The following STX18 variants were observed in gnomAD, a reference collection of about 807,000 sequenced individuals.
STX18 encodes syntaxin 18.
STX18 carries 40 observed loss-of-function variants against 50.1 expected under a neutral mutation model. That is an observed-to-expected ratio of 0.80 (90% CI 0.62 to 1.04). STX18 has a LOEUF of 1.04. STX18 is among the 50% of genes least tolerant of loss of function. STX18 has a pLI of 0.00. For missense variants in STX18, 410 were observed against 415.8 expected (o/e 0.99, Z 0.12); for synonymous variants, 158 against 151.8 (o/e 1.04, Z -0.30).
chr4:4,489,384 C>T (rs1577368819), intron 1 of STX18, among the ~76,000 whole-genome samples: 1 of 116,594 alleles, frequency 8.6e-6, no homozygotes, highest in African/African-American at 3.0e-5. Flanking sequence ...AATACACATG[C>T]AAAATAATTT....
At chr4:4,432,372 A>G (rs1198876764) in intron 7 of STX18, among the ~76,000 whole-genome samples, 4 of 152,246 alleles carry the variant, frequency 2.6e-5, no homozygotes, top group African/African-American at 9.6e-5. Flanking sequence ...CCATGATGGC[A>G]TGCATGCCAC....
At chr4:4,529,481 C>G (rs1026059694) in intron 1 of STX18, among the ~76,000 whole-genome samples, 1 of 144,108 alleles carries the variant, frequency 6.9e-6, no homozygotes, top group African/African-American at 3.0e-5. Flanking sequence ...ATGTATGCAC[C>G]AAAATATGCT....
At chr4:4,496,678 A>C (rs958420089) in intron 1 of STX18, among the ~76,000 whole-genome samples, 4 of 152,168 alleles carry the variant, frequency 2.6e-5, no homozygotes, top group Non-Finnish European at 5.9e-5. Flanking sequence ...GGTGCTGCCC[A>C]ATCCAACTGT....
intron 1 of STX18, 152 bp downstream of exon 1, chr4:4,541,645 A>ATTTT (rs1731601853): frequency 1.4e-6 from 1 of 701,734 alleles, no homozygotes; most frequent in Non-Finnish European, 2.1e-6. Flanking sequence ...TCCCCCAAAA[A>ATTTT]GCTGTAGGGT....
At chr4:4,472,908 G>A (rs1265449116) in intron 1 of STX18, among the ~76,000 whole-genome samples, 1 of 152,224 alleles carries the variant, frequency 6.6e-6, no homozygotes, top group Non-Finnish European at 1.5e-5. Flanking sequence ...TATTATAAAT[G>A]TGATTCAGAA....
intron 2 of STX18, among the ~76,000 whole-genome samples, chr4:4,471,425 G>C (rs890748552): frequency 1.3e-5 from 2 of 152,182 alleles, no homozygotes; most frequent in African/African-American, 4.8e-5. Flanking sequence ...GATACAAATA[G>C]ACTGGAAGAT....
chr4:4,425,076 A>G (rs983616095), intron 8 of STX18, 88 bp downstream of exon 8: 613 of 1,252,116 alleles, frequency 4.9e-4, no homozygotes, highest in Admixed American at 6.5e-4. Context: ...CCCCATGGGG[A>G]TGCCTGGGCA....
At chr4:4,438,140 A>G (rs1404746980) in intron 6 of STX18, among the ~76,000 whole-genome samples, 1 of 152,020 alleles carries the variant, frequency 6.6e-6, no homozygotes, top group Non-Finnish European at 1.5e-5. Context: ...TCCCGGCCTC[A>G]CCCCTCCAGC....
intron 7 of STX18, among the ~76,000 whole-genome samples, chr4:4,427,235 G>A (rs766547571): frequency 1.3e-5 from 2 of 152,188 alleles, no homozygotes; most frequent in African/African-American, 4.8e-5. Flanking sequence ...GCCAGAAAAC[G>A]GGGAAGGGGC....
intron 1 of STX18, among the ~76,000 whole-genome samples, chr4:4,503,788 TG>T (rs1204473120): frequency 3.9e-5 from 6 of 152,304 alleles, no homozygotes; most frequent in East Asian, 3.9e-4. Flanking sequence ...TTTTTGAGAA[TG>T]TTTTTTTCAA....
intron 7 of STX18, among the ~76,000 whole-genome samples, chr4:4,430,970 G>A (rs891020742): frequency 6.6e-6 from 1 of 152,152 alleles, no homozygotes. Flanking sequence ...TCCACAGGAT[G>A]AGAGCATCAG....
chr4:4,421,157 T>G (rs13129271), intron 9 of STX18, among the ~76,000 whole-genome samples: 20,596 of 152,072 alleles, frequency 0.14, 2,873 homozygotes, highest in African/African-American at 0.36. Flanking sequence ...ACAAGAACAG[T>G]AGCCGTCACC....
At chr4:4,458,837 G>A (rs115286480) in intron 3 of STX18, among the ~76,000 whole-genome samples, 55 of 152,218 alleles carry the variant, frequency 3.6e-4, no homozygotes, top group African/African-American at 1.2e-3. Flanking sequence ...TGGCTCGGAC[G>A]GGTGGAGTTG....
At chr4:4,526,152 G>C (rs1318444663) in intron 1 of STX18, among the ~76,000 whole-genome samples, 1 of 152,160 alleles carries the variant, frequency 6.6e-6, no homozygotes, top group African/African-American at 2.4e-5. Context: ...AAGTAATGAT[G>C]AAAGCAACAT....
At chr4:4,526,406 G>A (rs1730760562) in intron 1 of STX18, among the ~76,000 whole-genome samples, 1 of 152,190 alleles carries the variant, frequency 6.6e-6, no homozygotes, top group African/African-American at 2.4e-5. Flanking sequence ...ACTGGATAGA[G>A]GACAGGAAAA....
chr4:4,526,207 G>A (rs563405757), intron 1 of STX18, among the ~76,000 whole-genome samples: 39 of 152,322 alleles, frequency 2.6e-4, no homozygotes, highest in Non-Finnish European at 4.0e-4. Flanking sequence ...AGGGCTCACC[G>A]TTACTGTGTC....
At chr4:4,429,103 T>C (rs1048538133) in intron 7 of STX18, among the ~76,000 whole-genome samples, 5 of 152,212 alleles carry the variant, frequency 3.3e-5, no homozygotes, top group Admixed American at 6.5e-5. Flanking sequence ...AGCCTAGGAC[T>C]TGGGACCTAT....
intron 1 of STX18, among the ~76,000 whole-genome samples, chr4:4,522,928 A>C (rs1730579544): frequency 6.6e-6 from 1 of 152,258 alleles, no homozygotes; most frequent in Non-Finnish European, 1.5e-5. Context: ...GAGTGCAGAG[A>C]GACAGAAATG....
intron 7 of STX18, among the ~76,000 whole-genome samples, chr4:4,433,562 A>G (rs1272088202): frequency 6.8e-6 from 1 of 147,992 alleles, no homozygotes; most frequent in Non-Finnish European, 1.5e-5. Flanking sequence ...AAGAATTCCC[A>G]AACACTGTTC....
Sources: gnomAD v4.1 joint callset for allele counts (sites outside exome capture counted in the v4.1 genomes callset) on GRCh38, gnomAD v4.1.1 for gene constraint, MANE v1.5 for transcripts, NCBI Gene and HGNC (gene_info 2026-07-23, HGNC 2026-07-21) for gene names.